MYO18B: variants seen among roughly 807,000 people sequenced by gnomAD.
MYO18B encodes myosin XVIIIB, also known as unconventional myosin-XVIIIb.
Under a neutral mutation model 273.0 loss-of-function variants are expected in MYO18B, and 204 were observed. The ratio of observed to expected loss-of-function variants is 0.75; its 90% confidence interval spans 0.67 to 0.84. The LOEUF is 0.84. Among genes scored for constraint, MYO18B ranks in the 40% least tolerant of loss-of-function variants. MYO18B has a pLI of 0.00. For synonymous variants in MYO18B, 1,330 were observed against 1,305.7 expected, an observed-to-expected ratio of 1.02 and a Z score of -0.40; for missense variants, 3,212 against 3,287.6, an observed-to-expected ratio of 0.98 and a Z score of 0.56.
chr22:25,872,559 T>C (rs2091076520), intron 22 of MYO18B, among the ~76,000 whole-genome samples: 1 of 152,224 alleles, frequency 6.6e-6, no homozygotes, highest in Admixed American at 6.5e-5. Context: ...TAGATGCATG[T>C]AATGTTCATG....
At chr22:25,792,061 G>T (rs1330165534) in intron 11 of MYO18B, among the ~76,000 whole-genome samples, 1 of 152,166 alleles carries the variant, frequency 6.6e-6, no homozygotes, top group Admixed American at 6.6e-5. Context: ...TCTGGTCCAC[G>T]TTCACTCTTG....
chr22:25,833,153 C>T (rs1284033607), intron 16 of MYO18B, among the ~76,000 whole-genome samples, 156 bp downstream of exon 16: 1 of 152,212 alleles, frequency 6.6e-6, no homozygotes, highest in African/African-American at 2.4e-5. Context: ...GACCCAACCC[C>T]AGATTCTGTG....
In MYO18B at chr22:25,952,295, G is replaced by T; in HGVS notation, c.5842G>T (p.Ala1948Ser). The change falls in exon 38 of 44, where the codon GCT (alanine) becomes TCT (serine). Residue 1948 changes from alanine to serine, a missense_variant. Physicochemically the swap from Ala to Ser is moderately conservative, Grantham distance 99. Coordinates refer to ENST00000335473, the MANE Select transcript of MYO18B (RefSeq NM_032608.7). ...TCTCTCATACTTACAGCTGCAGGTG[G>T]CTCAGATGCGCATCGAGTACCTGGA... ...KHKLQEQLQVAQMRIEYLEQS... is the reference protein window; with the variant it reads ...KHKLQEQLQVSQMRIEYLEQS... The T allele has an allele frequency of 6.2e-7, 1 of 1,609,552 alleles. No individual in the cohort carries two copies. Among genetic ancestry groups the T allele is most frequent in the Non-Finnish European group, 8.5e-7 (1 of 1,178,240 alleles).
At chr22:25,864,289 C>T (rs957041876) in intron 21 of MYO18B, among the ~76,000 whole-genome samples, 2 of 152,182 alleles carry the variant, frequency 1.3e-5, no homozygotes, top group Admixed American at 6.5e-5. Flanking sequence ...TGTTGTATCC[C>T]ATTGTCCAAT....
At chr22:25,866,757 GC>G (rs2090899162) in intron 21 of MYO18B, among the ~76,000 whole-genome samples, 1 of 128,112 alleles carries the variant, frequency 7.8e-6, no homozygotes, top group Admixed American at 9.7e-5. Context: ...GAGAATCCCA[GC>G]CTGGTGACAG....
intron 39 of MYO18B, among the ~76,000 whole-genome samples, chr22:25,980,161 G>C (rs138860846): frequency 6.6e-6 from 1 of 152,260 alleles, no homozygotes; most frequent in African/African-American, 2.4e-5. Context: ...ACTCCGTTTT[G>C]GCCCCTGGTA....
intron 34 of MYO18B, among the ~76,000 whole-genome samples, chr22:25,921,702 TTGTGTGTGTG>T (rs3070571): frequency 0.017 from 2,507 of 145,664 alleles, 55 homozygotes; most frequent in African/African-American, 0.06. Flanking sequence ...AGTGTGCCTG[TTGTGTGTGTG>T]TGTGTGTGTG....
chr22:26,041,340 C>A, the MYO18B span, among the ~76,000 whole-genome samples: 13 of 138,492 alleles, frequency 9.4e-5, no homozygotes, highest in Admixed American at 7.9e-4. Context: ...CATGGTGAAA[C>A]CCTGTCTCTA....
intron 42 of MYO18B, among the ~76,000 whole-genome samples, chr22:26,013,411 A>G (rs1935066706): frequency 6.6e-6 from 1 of 152,184 alleles, no homozygotes. Flanking sequence ...CCATTGTGTG[A>G]ACATAGAGTA....
chr22:25,759,260 T>C (rs544170463), intron 1 of MYO18B, among the ~76,000 whole-genome samples: 57 of 152,298 alleles, frequency 3.7e-4, no homozygotes, highest in African/African-American at 1.3e-3. Flanking sequence ...CTATTCACAA[T>C]AGCAAAGACT....
chr22:25,840,241 C>T (rs2090042907), intron 17 of MYO18B, among the ~76,000 whole-genome samples: 1 of 152,226 alleles, frequency 6.6e-6, no homozygotes, highest in Non-Finnish European at 1.5e-5. Flanking sequence ...ATGTTCCTCT[C>T]CTCTCTCCTG....
rs916538545 is a variant in MYO18B, at chr22:25,883,042, G to A, written c.4314+4994G>A. ...CTCCCATGTAGCCAGGACCACAGGC[G>A]TGCATCACCATGCCTGGCTGTTTTT... On this transcript the variant is annotated intron_variant, in intron 25 of 43. Transcript: ENST00000335473. The surrounding 1 kb of genome is among the most constrained non-coding windows in gnomAD (Gnocchi z 7.6). Among the ~76,000 whole-genome samples the A allele has an allele frequency of 7.9e-5, 12 of 152,034 alleles. No individual in the cohort carries two copies. Among genetic ancestry groups the A allele is most frequent in the African/African-American group, 1.4e-4 (6 of 41,398 alleles).
At chr22:25,982,131 C>A (rs1370339870) in intron 39 of MYO18B, among the ~76,000 whole-genome samples, 1 of 152,124 alleles carries the variant, frequency 6.6e-6, no homozygotes, top group East Asian at 1.9e-4. Context: ...AAGGGGAAAT[C>A]CACCCCCATG....
In MYO18B at chr22:26,008,746, G is replaced by T. The variant is rs146075060; in HGVS notation, c.6470+3891G>T. ...CTCTTAACATCTGGCCGCAAGTGGT[G>T]CCTGGGCTGTCCAGGGTCTGGCATG... On this transcript the variant is annotated intron_variant, in intron 42 of 43. Transcript: ENST00000335473. Among the ~76,000 whole-genome samples, 673 of 152,266 alleles carry T rather than the reference G, an allele frequency of 4.4e-3. 2 individuals are homozygous for T. Among genetic ancestry groups the T allele is most frequent in the Middle Eastern group, 0.014 (4 of 294 alleles).
chr22:25,799,472 C>T (rs961656444), intron 12 of MYO18B, among the ~76,000 whole-genome samples: 8 of 152,094 alleles, frequency 5.3e-5, no homozygotes, highest in Non-Finnish European at 1.0e-4. Context: ...ATGATTGTGA[C>T]TTTGTCTAGC....
rs2145600980 is a variant in MYO18B at position 25,770,994 on chromosome 22, CT to C, written c.1692+11del. 6.5e-7 allele frequency: 1 copy of C among 1,538,506 alleles called. No individual in the cohort carries two copies. The highest frequency in any genetic ancestry group is 2.4e-5 in the East Asian group (1 of 40,888). The stretch of plus-strand genomic sequence containing the variant: ...GGAGCATGTCCATCGGGTGAGTCCC[CT>C]GTCCCGCCGTCCCCCAGCATGAGTC... On this transcript the variant is annotated intron_variant, in intron 6 of 43. Coordinates refer to ENST00000335473, the MANE Select transcript of MYO18B (RefSeq NM_032608.7).
chr22:25,975,403 G>GGTA (rs1292738109), intron 39 of MYO18B, among the ~76,000 whole-genome samples: 20 of 152,296 alleles, frequency 1.3e-4, no homozygotes, highest in African/African-American at 4.3e-4. Context: ...TATAGTCTGA[G>GGTA]AGGCATCTGA....
chr22:25,952,069 G>A (rs2092798387), intron 37 of MYO18B, among the ~76,000 whole-genome samples: 1 of 152,178 alleles, frequency 6.6e-6, no homozygotes, highest in African/African-American at 2.4e-5. Flanking sequence ...CAGCACCTGA[G>A]ACCCAGGATC....
At chr22:26,055,568 C>T in the MYO18B span, among the ~76,000 whole-genome samples, 1 of 152,164 alleles carries the variant, frequency 6.6e-6, no homozygotes, top group African/African-American at 2.4e-5. Flanking sequence ...GAAAAGCCAT[C>T]GTGGAAAGTG....
Sources: allele counts gnomAD v4.1 joint callset (sites outside exome capture counted in the v4.1 genomes callset), GRCh38; gene constraint gnomAD v4.1.1; non-coding constraint Gnocchi (gnomAD v3.1); transcripts MANE v1.5; gene names NCBI Gene and HGNC (gene_info 2026-07-23, HGNC 2026-07-21).